GRB10: variants seen among roughly 807,000 people sequenced by gnomAD.
GRB10 encodes the protein growth factor receptor bound protein 10.
Under a neutral mutation model 80.9 loss-of-function variants are expected in GRB10, and 20 were observed. The observed-to-expected ratio is 0.25, with a 90% CI of 0.17 to 0.36. The LOEUF is 0.36. Ranked by LOEUF, GRB10 falls within the 10% of genes least tolerant of loss-of-function variation. The pLI is 1.00. For synonymous variants in GRB10, 291 were observed against 291.5 expected, an observed-to-expected ratio of 1.00 and a Z score of 0.02; for missense variants, 548 against 747.7, an observed-to-expected ratio of 0.73 and a Z score of 3.12.
chr7:50,766,088 C>T (rs931278182), intron 2 of GRB10, among the ~76,000 whole-genome samples: 14 of 152,062 alleles, frequency 9.2e-5, no homozygotes, highest in Admixed American at 3.3e-4. Flanking sequence ...CTTCTGGGTT[C>T]GACTATTTAA....
intron 7 of GRB10, among the ~76,000 whole-genome samples, chr7:50,631,659 G>A (rs771851204): frequency 3.3e-5 from 5 of 152,188 alleles, no homozygotes; most frequent in Non-Finnish European, 5.9e-5. Context: ...AAAAGGTCCC[G>A]AAGACGTGAT....
chr7:50,777,054 T>C (rs1200936463), intron 2 of GRB10, among the ~76,000 whole-genome samples: 1 of 137,796 alleles, frequency 7.3e-6, no homozygotes, highest in Non-Finnish European at 1.6e-5. Context: ...CTGTCTGTGC[T>C]GCTATAACAA....
chr7:50,647,534 AC>A (rs1457269445), intron 7 of GRB10, among the ~76,000 whole-genome samples: 1 of 152,204 alleles, frequency 6.6e-6, no homozygotes, highest in Non-Finnish European at 1.5e-5. Context: ...CTGGAATAAA[AC>A]CCCTTGACTT....
At chr7:50,600,675 G>A (rs1384115112) in intron 17 of GRB10, among the ~76,000 whole-genome samples, 3 of 152,168 alleles carry the variant, frequency 2.0e-5, no homozygotes, top group African/African-American at 7.2e-5. Context: ...AAACAAAAGT[G>A]TCTGCAACTT....
intron 3 of GRB10, among the ~76,000 whole-genome samples, chr7:50,744,913 T>A (rs1467511744): frequency 6.6e-6 from 1 of 152,182 alleles, no homozygotes; most frequent in East Asian, 1.9e-4. Context: ...CCTTCATGGG[T>A]TTTTTTACAT....
rs1448756351 is a variant in GRB10 at position 50,605,186 on chromosome 7, C to T, written c.1389+104G>A. On this transcript the variant is annotated intron_variant, in intron 15 of 18. Transcript: ENST00000401949. ...GAACTCACCCCACCCAACATGGCAC[C>T]CCTCTTGCCAACCCGCATAGAGCTG... 2.2e-5 allele frequency: 18 copies of T among 835,166 alleles called. No homozygotes were observed. In the South Asian group the frequency reaches 2.2e-4, roughly 10 times the overall value. 51.7% of individuals were successfully genotyped at this position (835,166 alleles called of 1,614,324 possible).
chr7:50,752,216 AG>A (rs2074231049), intron 3 of GRB10, among the ~76,000 whole-genome samples: 1 of 152,158 alleles, frequency 6.6e-6, no homozygotes, highest in Non-Finnish European at 1.5e-5. Flanking sequence ...CAAAGTTATT[AG>A]GGGGGAAAAA....
chr7:50,628,180 T>G (rs1257438937), intron 7 of GRB10, among the ~76,000 whole-genome samples: 1 of 152,206 alleles, frequency 6.6e-6, no homozygotes, highest in African/African-American at 2.4e-5. Flanking sequence ...CTGAAACACG[T>G]GCGTTCTCTG....
At chr7:50,729,302 A>G (rs150144637) in intron 4 of GRB10, 1 of 152,378 alleles carries the variant, frequency 6.6e-6, no homozygotes, top group African/African-American at 2.4e-5. Flanking sequence ...TCACCTACAT[A>G]AAATTCACAT....
chr7:50,681,224 C>T (rs1374652401), intron 5 of GRB10, among the ~76,000 whole-genome samples: 2 of 152,220 alleles, frequency 1.3e-5, no homozygotes, highest in African/African-American at 2.4e-5. Context: ...AGCTCATGAG[C>T]TGCCTGGCAG....
At chr7:50,769,905 G>T (rs2076805361) in intron 2 of GRB10, among the ~76,000 whole-genome samples, 1 of 152,140 alleles carries the variant, frequency 6.6e-6, no homozygotes, top group Admixed American at 6.5e-5. Context: ...TGGTATCACA[G>T]TTTCTTTTAC....
At chr7:50,710,212 G>A (rs929123001) in intron 4 of GRB10, among the ~76,000 whole-genome samples, 5 of 152,008 alleles carry the variant, frequency 3.3e-5, no homozygotes, top group African/African-American at 4.8e-5. Context: ...CCAGAAACGG[G>A]CCTCCTTGAC....
chr7:50,667,351 C>T (rs1003521321), intron 7 of GRB10, among the ~76,000 whole-genome samples: 2 of 152,156 alleles, frequency 1.3e-5, no homozygotes, highest in Non-Finnish European at 2.9e-5. Flanking sequence ...CTTTATGTAT[C>T]GGGTCCACTT....
intron 3 of GRB10, among the ~76,000 whole-genome samples, chr7:50,733,209 T>C (rs888477571): frequency 6.6e-6 from 1 of 152,076 alleles, no homozygotes; most frequent in Non-Finnish European, 1.5e-5. Flanking sequence ...CAGGACACCT[T>C]GAGAAAATGA....
At chr7:50,700,138 CA>C (rs796315381) in intron 5 of GRB10, among the ~76,000 whole-genome samples, 47 of 145,142 alleles carry the variant, frequency 3.2e-4, no homozygotes, top group African/African-American at 9.1e-4. Flanking sequence ...GACTCCATCT[CA>C]AAAAAAAAAG....
At chr7:50,648,597 T>C (rs568968218) in intron 7 of GRB10, among the ~76,000 whole-genome samples, 1 of 152,254 alleles carries the variant, frequency 6.6e-6, no homozygotes, top group South Asian at 2.1e-4. Flanking sequence ...AGCCCAAGGA[T>C]GGCAGAGCAT....
At chr7:50,760,224 T>G (rs1343924542) in intron 2 of GRB10, among the ~76,000 whole-genome samples, 1 of 152,152 alleles carries the variant, frequency 6.6e-6, no homozygotes, top group Non-Finnish European at 1.5e-5. Context: ...CATGCACACA[T>G]GCACAGAACA....
upstream of GRB10, among the ~76,000 whole-genome samples, chr7:50,787,092 C>T (rs1275572557): frequency 6.6e-6 from 1 of 152,214 alleles, no homozygotes; most frequent in Admixed American, 6.5e-5. Flanking sequence ...CATGGCTCAG[C>T]TATGAGCAGC....
At position 50,616,119 on chromosome 7, in the gene GRB10, A is replaced by G. The variant is rs1165431751; in HGVS notation, c.984+91T>C. 3 of 1,451,788 alleles carry G rather than the reference A, an allele frequency of 2.1e-6. No homozygotes were observed. The East Asian group carries it at 6.8e-5, about 33-fold the overall frequency. The allele number at this position is 1,451,788 out of a possible 1,614,324, so 89.9% of individuals were successfully genotyped here. A position where few individuals can be genotyped will look rare whatever the true frequency, so the allele number is the denominator to read the frequency against. On this transcript the variant is annotated intron_variant, in intron 11 of 18. Coordinates refer to ENST00000401949, the MANE Select transcript of GRB10 (RefSeq NM_001350814.2). ...CTGAGCTTGGAGGAGTCTAAGGTGC[A>G]TTTAAAAATGAAGCCCAGGTTCACT...
Sources: gnomAD v4.1 joint callset for allele counts (sites outside exome capture counted in the v4.1 genomes callset) on GRCh38, gnomAD v4.1.1 for gene constraint, MANE v1.5 for transcripts, NCBI Gene and HGNC (gene_info 2026-07-23, HGNC 2026-07-21) for gene names.